SRD5A2: variants seen among roughly 807,000 people sequenced by gnomAD.
SRD5A2 encodes the protein 3-oxo-5-alpha-steroid 4-dehydrogenase 2.
Under a neutral mutation model 27.4 loss-of-function variants are expected in SRD5A2, and 30 were observed. The ratio of observed to expected loss-of-function variants is 1.10; its 90% CI spans 0.82 to 1.49. SRD5A2 has a LOEUF of 1.49. SRD5A2 is among the 40% of genes most tolerant of loss of function. SRD5A2 has a pLI of 0.00. For missense variants in SRD5A2, 348 were observed against 323.4 expected (o/e 1.08, Z -0.58); for synonymous variants, 141 against 133.6 (o/e 1.06, Z -0.38).
chr2:31,617,872 C>A, the SRD5A2 span, among the ~76,000 whole-genome samples: 2 of 152,198 alleles, frequency 1.3e-5, no homozygotes, highest in African/African-American at 2.4e-5. Flanking sequence ...TTCTTTTGAG[C>A]CCTCCAAACT....
chr2:31,531,535 T>C, intron 2 of SRD5A2, 63 bp from the exon 3 acceptor site: 1 of 931,412 alleles, frequency 1.1e-6, no homozygotes. Context: ...GGTGCTTTTT[T>C]CACAAACTAA....
At chr2:31,565,052 C>A (rs533151007) in intron 1 of SRD5A2, among the ~76,000 whole-genome samples, 12 of 151,492 alleles carry the variant, frequency 7.9e-5, no homozygotes, top group Admixed American at 7.9e-4. Context: ...AGTAAAACAA[C>A]AACAATAACA....
At chr2:31,581,472 T>C (rs1001477560), upstream of SRD5A2, among the ~76,000 whole-genome samples, 4 of 152,170 alleles carry the variant, frequency 2.6e-5, no homozygotes, top group African/African-American at 7.2e-5. Flanking sequence ...CCTTCTGCTC[T>C]GGGGCGCCGC....
At position 31,556,823 on chromosome 2, in the gene SRD5A2, A is replaced by C. The variant is rs2268795; in HGVS notation, c.282-23057T>G. ...ATATAACTTGTTGGAGTAATATTAC[A>C]CTATTGAGATCAATTTCAGTTCAGA... On this transcript the variant is annotated intron_variant, in intron 1 of 4. Coordinates refer to ENST00000622030, the MANE Select transcript of SRD5A2 (RefSeq NM_000348.4). 1.2e-4 allele frequency among the ~76,000 whole-genome samples: 18 copies of C among 152,360 alleles called. No individual in the cohort carries two copies. The East Asian group carries it at 3.5e-3, about 29-fold the overall frequency.
chr2:31,549,253 T>C lies in SRD5A2; in HGVS notation c.282-15487A>G, dbSNP rs372512689. Among the ~76,000 whole-genome samples the C allele has an allele frequency of 7.9e-5, 12 of 151,762 alleles. No homozygotes were observed. The East Asian group carries it at 1.9e-3, about 25-fold the overall frequency. ...TCAGCCTCCCAAGTAGCTGGGACTA[T>C]AGGTGCCCACCACCACACCAGTCTA... is the stretch of plus-strand genomic sequence containing the variant. On this transcript the variant is annotated intron_variant, in intron 1 of 4. Transcript: ENST00000622030.
At chr2:31,590,067 G>A in the SRD5A2 span, among the ~76,000 whole-genome samples, 15 of 152,150 alleles carry the variant, frequency 9.9e-5, no homozygotes, top group African/African-American at 2.9e-4. Context: ...TAACACCATT[G>A]GCTTAAGAAC....
At chr2:31,629,461 G>A in the SRD5A2 span, among the ~76,000 whole-genome samples, 1 of 152,118 alleles carries the variant, frequency 6.6e-6, no homozygotes, top group African/African-American at 2.4e-5. Flanking sequence ...TCCTTCCTTA[G>A]AATTGGAGGA....
chr2:31,608,492 T>C, the SRD5A2 span, among the ~76,000 whole-genome samples: 81,553 of 151,668 alleles, frequency 0.54, 22,211 homozygotes, highest in Non-Finnish European at 0.57. Flanking sequence ...ACATAAGCTA[T>C]GTATTTTCAG....
intron 1 of SRD5A2, among the ~76,000 whole-genome samples, chr2:31,567,456 G>GTATATATATATATATATATATA (rs1553327758): frequency 7.1e-6 from 1 of 140,240 alleles, no homozygotes; most frequent in African/African-American, 2.7e-5. Context: ...GTGTGTGTGT[G>GTATATATATATATATATATATA]TATATATATA....
rs1665741244 is a variant in SRD5A2, at chr2:31,524,954, T to C, written c.*1242A>G. On this transcript the variant is annotated 3_prime_UTR_variant, in exon 5 of 5. Transcript: ENST00000622030. ...TTCTGGTGTGGAAATGTGGGCTCTG[T>C]ATGTTCAGATCCTCCAACTTTTTAA... The C allele has an allele frequency of 1.8e-5, 4 of 223,840 alleles. No individual in the cohort carries two copies. Among genetic ancestry groups the C allele is most frequent in the South Asian group, 3.7e-4 (2 of 5,460 alleles). 13.9% of individuals were successfully genotyped at this position (223,840 alleles called of 1,614,324 possible).
the SRD5A2 span, among the ~76,000 whole-genome samples, chr2:31,604,794 T>TA: frequency 0.093 from 13,992 of 150,524 alleles, 777 homozygotes; most frequent in Middle Eastern, 0.19. Context: ...TTCACAGAAA[T>TA]AAAAAAAAAT....
intron 1 of SRD5A2, among the ~76,000 whole-genome samples, chr2:31,564,957 A>T (rs1055716325): frequency 6.6e-6 from 1 of 151,984 alleles, no homozygotes; most frequent in Non-Finnish European, 1.5e-5. Flanking sequence ...CTTTTTTATT[A>T]TCTTATTTAA....
intron 3 of SRD5A2, among the ~76,000 whole-genome samples, chr2:31,530,668 G>A (rs984744240): frequency 6.6e-6 from 1 of 152,010 alleles, no homozygotes; most frequent in Non-Finnish European, 1.5e-5. Context: ...TGTAAATAAA[G>A]GGTTGTATTT....
intron 1 of SRD5A2, among the ~76,000 whole-genome samples, chr2:31,552,733 T>C (rs1240582708): frequency 6.6e-6 from 1 of 152,164 alleles, no homozygotes; most frequent in Non-Finnish European, 1.5e-5. Context: ...CAGCTTGCTA[T>C]GTGAGAGGCT....
chr2:31,645,562 T>G, the SRD5A2 span, among the ~76,000 whole-genome samples: 1 of 152,216 alleles, frequency 6.6e-6, no homozygotes, highest in Non-Finnish European at 1.5e-5. Context: ...AACTATCTTT[T>G]ATTTGTAGAA....
At chr2:31,580,237 G>A (rs1451054976) in intron 1 of SRD5A2, among the ~76,000 whole-genome samples, 1 of 152,222 alleles carries the variant, frequency 6.6e-6, no homozygotes, top group Non-Finnish European at 1.5e-5. Flanking sequence ...GGCGGGGCGC[G>A]ATATGCCACA....
At chr2:31,645,217 G>A in the SRD5A2 span, among the ~76,000 whole-genome samples, 1 of 150,776 alleles carries the variant, frequency 6.6e-6, no homozygotes, top group Non-Finnish European at 1.5e-5. Flanking sequence ...TAAAAAAAAC[G>A]TTAGAAAAAA....
intron 1 of SRD5A2, among the ~76,000 whole-genome samples, chr2:31,572,803 G>A (rs1029130224): frequency 3.3e-5 from 5 of 152,002 alleles, no homozygotes; most frequent in African/African-American, 1.2e-4. Context: ...GATGTTTCGT[G>A]GTTAGAAAGA....
intron 1 of SRD5A2, among the ~76,000 whole-genome samples, chr2:31,571,451 T>C (rs1048773735): frequency 3.9e-5 from 6 of 152,126 alleles, no homozygotes; most frequent in South Asian, 2.1e-4. Context: ...ATTCTGGACA[T>C]AGGATCTGGC....
Sources: allele counts gnomAD v4.1 joint callset (sites outside exome capture counted in the v4.1 genomes callset), GRCh38; gene constraint gnomAD v4.1.1; transcripts MANE v1.5; gene names NCBI Gene and HGNC (gene_info 2026-07-23, HGNC 2026-07-21).